Variants in CTNNA3 observed in about 807,000 individuals in gnomAD.
The protein encoded by CTNNA3 is catenin alpha 3, also known as catenin alpha-3.
CTNNA3 carries 76 observed loss-of-function variants against 95.7 expected under a neutral mutation model. The observed-to-expected ratio is 0.79, with a 90% CI of 0.66 to 0.96. CTNNA3 has a LOEUF of 0.96. Ranked by LOEUF, CTNNA3 falls within the 40% of genes least tolerant of loss-of-function variation. The pLI is 0.00. For synonymous variants in CTNNA3, 431 were observed against 374.4 expected (o/e 1.15, Z -1.74); for missense variants, 1,191 against 1,089.8 (o/e 1.09, Z -1.31).
At chr10:67,161,137 T>C (rs1020226367) in intron 7 of CTNNA3, among the ~76,000 whole-genome samples, 1 of 152,170 alleles carries the variant, frequency 6.6e-6, no homozygotes, top group Non-Finnish European at 1.5e-5. Context: ...TTTCATTTGA[T>C]ATATTGTTCA....
At chr10:66,170,013 C>G (rs2085335535) in intron 13 of CTNNA3, among the ~76,000 whole-genome samples, 1 of 152,068 alleles carries the variant, frequency 6.6e-6, no homozygotes, top group Admixed American at 6.6e-5. Context: ...GTGCAAAAGC[C>G]CCTTAGTTTA....
At chr10:66,060,754 T>C (rs2080178398) in intron 15 of CTNNA3, among the ~76,000 whole-genome samples, 1 of 152,080 alleles carries the variant, frequency 6.6e-6, no homozygotes, top group South Asian at 2.1e-4. Context: ...TATTATTCTC[T>C]GAAGAGGATA....
chr10:66,841,915 G>C (rs1361735386), intron 7 of CTNNA3, among the ~76,000 whole-genome samples: 2 of 151,998 alleles, frequency 1.3e-5, no homozygotes, highest in Non-Finnish European at 2.9e-5. Flanking sequence ...TACCTCTGTG[G>C]CAGGAAAGAA....
chr10:66,360,658 TCTTCCTTC>T (rs367718579), intron 12 of CTNNA3, among the ~76,000 whole-genome samples: 5,184 of 48,560 alleles, frequency 0.11, 499 homozygotes, highest in East Asian at 0.29. Flanking sequence ...TTTCTTTCTT[TCTTCCTTC>T]CTTCCTTCCT....
intron 9 of CTNNA3, among the ~76,000 whole-genome samples, chr10:66,646,374 T>C (rs1845707748): frequency 6.6e-6 from 1 of 152,126 alleles, no homozygotes; most frequent in Non-Finnish European, 1.5e-5. Context: ...TATGTAGTCA[T>C]CACAGAATGT....
intron 7 of CTNNA3, among the ~76,000 whole-genome samples, chr10:67,154,375 G>C (rs1861208035): frequency 6.6e-6 from 1 of 152,072 alleles, no homozygotes; most frequent in South Asian, 2.1e-4. Context: ...ATATTTCAGA[G>C]AGGAGATGGA....
intron 5 of CTNNA3, among the ~76,000 whole-genome samples, chr10:67,394,695 C>T (rs759351554): frequency 1.3e-5 from 2 of 152,002 alleles, no homozygotes; most frequent in Non-Finnish European, 2.9e-5. Context: ...AGGGAGGGAG[C>T]ATCAAATATC....
At chr10:65,953,841 A>T (rs2077672342) in intron 17 of CTNNA3, among the ~76,000 whole-genome samples, 1 of 152,196 alleles carries the variant, frequency 6.6e-6, no homozygotes, top group Admixed American at 6.5e-5. Flanking sequence ...TGCCACAATA[A>T]ACATATGTGT....
At chr10:67,726,252 A>T (rs1447153185) in intron 1 of CTNNA3, among the ~76,000 whole-genome samples, 213 of 95,758 alleles carry the variant, frequency 2.2e-3, no homozygotes, top group African/African-American at 2.7e-3. Flanking sequence ...TATTATATAT[A>T]ATATTGTATT....
chr10:66,409,624 T>C (rs185932661), intron 11 of CTNNA3, among the ~76,000 whole-genome samples: 2 of 152,302 alleles, frequency 1.3e-5, no homozygotes, highest in African/African-American at 2.4e-5. Flanking sequence ...TCAACGGATA[T>C]ACTCTGATGG....
At chr10:66,070,264 A>G (rs2080407799) in intron 14 of CTNNA3, among the ~76,000 whole-genome samples, 1 of 152,144 alleles carries the variant, frequency 6.6e-6, no homozygotes. Context: ...AGCAACTTTT[A>G]CTACTGCTGG....
chr10:66,670,770 A>G (rs986472794), intron 9 of CTNNA3, among the ~76,000 whole-genome samples: 20 of 152,336 alleles, frequency 1.3e-4, no homozygotes, highest in Middle Eastern at 3.4e-3. Context: ...AGGAATGGGA[A>G]TCTTGCAGAG....
At chr10:67,542,795 G>T (rs1291449941) in intron 3 of CTNNA3, among the ~76,000 whole-genome samples, 4 of 152,122 alleles carry the variant, frequency 2.6e-5, no homozygotes. Context: ...GACAACGACA[G>T]CTGGTTTATA....
At chr10:67,743,297 T>G (rs1589587321) in intron 1 of CTNNA3, among the ~76,000 whole-genome samples, 2 of 151,070 alleles carry the variant, frequency 1.3e-5, no homozygotes, top group South Asian at 4.3e-4. Flanking sequence ...AAAAAGCTTA[T>G]CCACCATGAT....
chr10:66,762,781 G>C (rs1839652903), intron 9 of CTNNA3, among the ~76,000 whole-genome samples: 1 of 151,858 alleles, frequency 6.6e-6, no homozygotes, highest in Non-Finnish European at 1.5e-5. Context: ...TTTTGTAAAA[G>C]TTACACGTTA....
At chr10:67,259,597 G>C (rs1426935447) in intron 5 of CTNNA3, among the ~76,000 whole-genome samples, 1 of 152,134 alleles carries the variant, frequency 6.6e-6, no homozygotes, top group Admixed American at 6.5e-5. Flanking sequence ...ATGCATGTGA[G>C]AGCACTTACA....
intron 13 of CTNNA3, among the ~76,000 whole-genome samples, chr10:66,171,600 A>G (rs975052936): frequency 6.6e-6 from 1 of 152,002 alleles, no homozygotes; most frequent in South Asian, 2.1e-4. Context: ...TGCACAATCT[A>G]TGGACCTTAA....
chr10:66,487,035 A>C lies in CTNNA3; in HGVS notation c.1531+33582T>G, dbSNP rs1839753180. 3.3e-5 allele frequency among the ~76,000 whole-genome samples: 5 copies of C among 152,146 alleles called. No homozygotes were observed. In the South Asian group the frequency reaches 6.2e-4, roughly 19 times the overall value. On this transcript the variant is annotated intron_variant, in intron 11 of 17. Transcript: ENST00000433211. ...AGCAGAGAGTAGAACAGCGATTGCCATGGGATGGGATAAAGGAAATGAGGT... is the reference window on the plus strand; with the variant it reads ...AGCAGAGAGTAGAACAGCGATTGCCCTGGGATGGGATAAAGGAAATGAGGT...
chr10:67,448,657 C>A (rs1846848828), intron 5 of CTNNA3, among the ~76,000 whole-genome samples: 1 of 151,240 alleles, frequency 6.6e-6, no homozygotes, highest in African/African-American at 2.4e-5. Context: ...ACATTTTATA[C>A]TAAAAGAAAT....
Sources: allele counts gnomAD v4.1 joint callset (sites outside exome capture counted in the v4.1 genomes callset), GRCh38; gene constraint gnomAD v4.1.1; transcripts MANE v1.5; gene names NCBI Gene and HGNC (gene_info 2026-07-23, HGNC 2026-07-21).